The following PCSK1 variants were observed in gnomAD, a reference collection of about 807,000 sequenced individuals.
PCSK1 encodes neuroendocrine convertase 1.
PCSK1 carries 56 observed loss-of-function variants against 90.6 expected under a neutral mutation model. The observed-to-expected ratio is 0.62, with a 90% CI of 0.50 to 0.77. The LOEUF is 0.77. Ranked by LOEUF, PCSK1 falls within the 30% of genes least tolerant of loss-of-function variation. The pLI is 0.00. For synonymous variants in PCSK1, 348 were observed against 342.4 expected, an observed-to-expected ratio of 1.02 and a Z score of -0.18; for missense variants, 801 against 932.6, an observed-to-expected ratio of 0.86 and a Z score of 1.84.
rs775645769 is a variant in PCSK1, at chr5:96,395,046, C to T, written c.1723-21G>A. The T allele has an allele frequency of 1.6e-5, 25 of 1,569,604 alleles. No homozygotes were observed. In the Admixed American group the frequency reaches 2.2e-4, roughly 14 times the overall value. ...CCAGACTAACAAATAAGCATACCTA[C>T]ATTTAGTATGTGTTTTAGATAATAT... On this transcript the variant is annotated intron_variant, in intron 12 of 13. Transcript: ENST00000311106.
chr5:96,420,064 G>T (rs111869352), intron 5 of PCSK1, among the ~76,000 whole-genome samples: 1 of 152,132 alleles, frequency 6.6e-6, no homozygotes, highest in African/African-American at 2.4e-5. Flanking sequence ...CAGATTTCCC[G>T]TAGTCTTAAC....
chr5:96,395,488 T>C (rs1760104666), intron 12 of PCSK1, among the ~76,000 whole-genome samples: 1 of 152,222 alleles, frequency 6.6e-6, no homozygotes, highest in Non-Finnish European at 1.5e-5. Flanking sequence ...TCATGTCCTC[T>C]GCAGGGACAT....
intron 6 of PCSK1, among the ~76,000 whole-genome samples, chr5:96,412,752 G>GTTTTTTTTTTGTTGTTT (rs566921725): frequency 1.5e-4 from 11 of 71,836 alleles, no homozygotes; most frequent in African/African-American, 9.0e-4. Context: ...CAGCTGTGAT[G>GTTTTTTTTTTGTTGTTT]TTTTTTTTTT....
chr5:96,394,464 T>C (rs1760061992), intron 13 of PCSK1, among the ~76,000 whole-genome samples: 1 of 152,236 alleles, frequency 6.6e-6, no homozygotes, highest in African/African-American at 2.4e-5. Context: ...GCAAAATGGA[T>C]ACACGAATGT....
intron 3 of PCSK1, among the ~76,000 whole-genome samples, chr5:96,425,047 AG>A (rs200668658): frequency 3.8e-5 from 5 of 131,016 alleles, no homozygotes; most frequent in East Asian, 5.8e-4. Flanking sequence ...AAAGAAAGAA[AG>A]AAAGAAAGAA....
chr5:96,409,462 AG>A (rs1264391778), intron 8 of PCSK1, among the ~76,000 whole-genome samples: 1 of 152,222 alleles, frequency 6.6e-6, no homozygotes, highest in Non-Finnish European at 1.5e-5. Flanking sequence ...GGTTTGCGTA[AG>A]AAAAAGGTTA....
intron 4 of PCSK1, among the ~76,000 whole-genome samples, chr5:96,422,212 C>G (rs1761152360): frequency 6.6e-6 from 1 of 152,062 alleles, no homozygotes; most frequent in African/African-American, 2.4e-5. Flanking sequence ...TTCACAGGCA[C>G]TCATGGGATA....
intron 12 of PCSK1, among the ~76,000 whole-genome samples, chr5:96,396,269 A>C (rs376058783): frequency 7.2e-5 from 11 of 152,184 alleles, no homozygotes; most frequent in African/African-American, 2.7e-4. Context: ...TATTTTCAAA[A>C]AGTTATCTAG....
intron 2 of PCSK1, 39 bp downstream of exon 2, chr5:96,429,174 G>T: frequency 9.9e-7 from 1 of 1,013,270 alleles, no homozygotes. Flanking sequence ...AAGCAGATAA[G>T]CTAGAGTATT....
At chr5:96,399,262 A>C (rs1760269220) in intron 10 of PCSK1, among the ~76,000 whole-genome samples, 1 of 152,192 alleles carries the variant, frequency 6.6e-6, no homozygotes, top group Non-Finnish European at 1.5e-5. Flanking sequence ...GTGGAGTCAA[A>C]TTCAGGCAGA....
intron 3 of PCSK1, among the ~76,000 whole-genome samples, chr5:96,425,493 A>G (rs562026665): frequency 8.4e-4 from 128 of 152,346 alleles, no homozygotes; most frequent in African/African-American, 2.9e-3. Flanking sequence ...AACTTTAACC[A>G]AATGAGATTT....
intron 11 of PCSK1, 107 bp downstream of exon 11, chr5:96,398,772 A>G (rs1760252564): frequency 1.0e-6 from 1 of 954,886 alleles, no homozygotes; most frequent in Admixed American, 1.8e-5. Context: ...AGACCTGAAA[A>G]TATCTATTAG....
intron 3 of PCSK1, among the ~76,000 whole-genome samples, chr5:96,425,064 G>A (rs1439768587): frequency 1.5e-5 from 2 of 137,560 alleles, no homozygotes; most frequent in African/African-American, 5.7e-5. Flanking sequence ...AAGAAAGAAA[G>A]AAAGAAAGAA....
At chr5:96,409,295 T>TA (rs766452223) in intron 8 of PCSK1, among the ~76,000 whole-genome samples, 4 of 152,118 alleles carry the variant, frequency 2.6e-5, no homozygotes, top group Non-Finnish European at 4.4e-5. Context: ...TGTAAAAAAA[T>TA]AATTTGTTCT....
At chr5:96,401,129 T>TA (rs1355593114) in intron 9 of PCSK1, among the ~76,000 whole-genome samples, 1 of 136,778 alleles carries the variant, frequency 7.3e-6, no homozygotes, top group Non-Finnish European at 1.6e-5. Flanking sequence ...TACAATCCAG[T>TA]AAAAAGAATT....
At chr5:96,398,416 A>G (rs1444462578) in intron 11 of PCSK1, among the ~76,000 whole-genome samples, 1 of 152,238 alleles carries the variant, frequency 6.6e-6, no homozygotes, top group Non-Finnish European at 1.5e-5. Context: ...CATACATCAT[A>G]TAAAATGGCC....
At chr5:96,425,664 G>A (rs1424472838) in intron 3 of PCSK1, among the ~76,000 whole-genome samples, 156 bp downstream of exon 3, 2 of 151,118 alleles carry the variant, frequency 1.3e-5, no homozygotes, top group Non-Finnish European at 2.9e-5. Context: ...AGAAGAGGCA[G>A]ATCAAGAAGA....
rs1307895014 is a variant in PCSK1, at chr5:96,410,855, G to T, written c.1014C>A (p.Gly338=). 1 of 1,613,950 alleles carries T rather than the reference G, an allele frequency of 6.2e-7. No individual in the cohort carries two copies. The highest frequency in any genetic ancestry group is 1.3e-5 in the African/African-American group (1 of 74,916). The part of the protein sequence containing the change: ...TISISSASQQ[G]LSPWYAEKCS... The stretch of plus-strand genomic sequence containing the variant: ...ACTTCTCAGCGTACCAGGGGGATAG[G>T]CCTTGCTGGGAGGCACTGCTGATGG... The change falls in exon 8 of 14, where the codon GGC becomes GGA. Residue 338 remains glycine (G), a synonymous_variant. Transcript: ENST00000311106.
intron 13 of PCSK1, among the ~76,000 whole-genome samples, chr5:96,393,748 A>C (rs1482924550): frequency 6.6e-6 from 1 of 152,226 alleles, no homozygotes; most frequent in East Asian, 1.9e-4. Context: ...ATATCAAAAT[A>C]TCTAACAAGT....
Sources: allele counts gnomAD v4.1 joint callset (sites outside exome capture counted in the v4.1 genomes callset), GRCh38; gene constraint gnomAD v4.1.1; transcripts MANE v1.5; gene names NCBI Gene and HGNC (gene_info 2026-07-23, HGNC 2026-07-21).